Variants in KATNIP observed in about 807,000 individuals in gnomAD.
KATNIP encodes the protein katanin interacting protein.
In KATNIP, 126 loss-of-function variants were observed where a neutral mutation model predicts 174.0. The observed-to-expected ratio is 0.72, with a 90% CI of 0.63 to 0.84. The LOEUF (loss-of-function observed/expected upper bound fraction) is 0.84, where lower values mean the gene tolerates loss of function less well. KATNIP is among the 40% of genes least tolerant of loss of function. KATNIP has a pLI of 0.00. For synonymous variants in KATNIP, 810 were observed against 835.7 expected (o/e 0.97, Z 0.53); for missense variants, 1,958 against 2,109.7 (o/e 0.93, Z 1.41).
intron 12 of KATNIP, 37 bp from the exon 13 acceptor site, chr16:27,708,668 G>T: frequency 1.3e-6 from 2 of 1,556,028 alleles, no homozygotes; most frequent in South Asian, 2.3e-5. Context: ...AGCCTGTCAT[G>T]ACTTAATCCT....
chr16:27,720,967 G>A (rs539533222), intron 13 of KATNIP, among the ~76,000 whole-genome samples: 5 of 152,250 alleles, frequency 3.3e-5, no homozygotes, highest in East Asian at 1.9e-4. Context: ...ACAGCAAGGC[G>A]TCTCTGTTCA....
intron 2 of KATNIP, among the ~76,000 whole-genome samples, chr16:27,590,824 A>T (rs1307967833): frequency 1.3e-5 from 2 of 152,158 alleles, no homozygotes. Context: ...GTTTTTGTTC[A>T]TGAATTCAAT....
At chr16:27,636,029 T>C (rs1403496105) in intron 5 of KATNIP, among the ~76,000 whole-genome samples, 1 of 152,028 alleles carries the variant, frequency 6.6e-6, no homozygotes, top group Non-Finnish European at 1.5e-5. Flanking sequence ...AGCGCACACC[T>C]CTAGTCCCAG....
chr16:27,717,907 G>A (rs2080029832), intron 13 of KATNIP, among the ~76,000 whole-genome samples: 1 of 152,112 alleles, frequency 6.6e-6, no homozygotes, highest in Admixed American at 6.5e-5. Context: ...GTTCCACCCT[G>A]GCTCCCAGAT....
Position 27,740,320 on chromosome 16 carries a change from G to C in KATNIP, c.2023G>C (p.Gly675Arg). 1.2e-6 allele frequency: 2 copies of C among 1,614,250 alleles called. No individual in the cohort carries two copies. The highest frequency in any genetic ancestry group is 1.7e-6 in the Non-Finnish European group (2 of 1,180,052). ...AGCGGATGCAAAGCTTTCTTCACAA[G>C]GAAATGTGTCTGGCAAAAGAAAGAA... The part of the protein sequence containing the change: ...TLADAKLSSQ[G>R]NVSGKRKNST... The change falls in exon 15 of 28, where the codon GGA (glycine) becomes CGA (arginine). Residue 675 changes from glycine (G) to arginine (R), a missense_variant. Transcript: ENST00000261588.
At position 27,774,934 on chromosome 16, in the gene KATNIP, C is replaced by G. The variant is rs143887648; in HGVS notation, c.4310-11C>G. Reference sequence around the variant, plus strand: ...CAGATTTGGGTTATGGCAACTTAGACGTCTCCTCAGATATTGCGGCCTTCC... The same window carrying G: ...CAGATTTGGGTTATGGCAACTTAGAGGTCTCCTCAGATATTGCGGCCTTCC... On this transcript the variant is annotated splice_polypyrimidine_tract_variant and intron_variant, in intron 23 of 27. Coordinates refer to ENST00000261588, the MANE Select transcript of KATNIP (RefSeq NM_015202.5). The G allele has an allele frequency of 3.7e-6, 6 of 1,613,780 alleles. No homozygotes were observed. The African/African-American group carries it at 8.0e-5, about 22-fold the overall frequency.
At chr16:27,705,995 G>A (rs1321636117) in intron 12 of KATNIP, among the ~76,000 whole-genome samples, 3 of 152,104 alleles carry the variant, frequency 2.0e-5, no homozygotes, top group Non-Finnish European at 4.4e-5. Context: ...CTTATATTAC[G>A]GGAGACAGAA....
chr16:27,776,258 C>T lies in KATNIP; in HGVS notation c.4450-670C>T, dbSNP rs577631381. Among the ~76,000 whole-genome samples the T allele has an allele frequency of 1.8e-3, 271 of 152,254 alleles. 1 individual carries two copies. Among genetic ancestry groups the T allele is most frequent in the African/African-American group, 6.3e-3 (260 of 41,550 alleles). ...ACCAGGGCCTGGGGCAGGACTGAGC[C>T]TGCAGTCTGTGGCCAGTGTGGAATG... On this transcript the variant is annotated intron_variant, in intron 24 of 27. Coordinates refer to ENST00000261588, the MANE Select transcript of KATNIP (RefSeq NM_015202.5). The surrounding 1 kb of genome is among the most constrained non-coding windows in gnomAD (Gnocchi z 4.7).
intron 1 of KATNIP, among the ~76,000 whole-genome samples, chr16:27,564,939 AT>A (rs1466076259): frequency 2.0e-5 from 3 of 151,538 alleles, no homozygotes; most frequent in Non-Finnish European, 4.4e-5. Context: ...AATTTTTTGT[AT>A]TTTTGGTAGA....
At chr16:27,723,818 C>T (rs1050048717) in intron 14 of KATNIP, among the ~76,000 whole-genome samples, 13 of 151,988 alleles carry the variant, frequency 8.6e-5, no homozygotes, top group Non-Finnish European at 1.5e-4. Flanking sequence ...TCCCTCCCTC[C>T]CTCCTTCCCA....
chr16:27,730,806 C>G (rs1463708734), intron 14 of KATNIP, among the ~76,000 whole-genome samples: 1 of 152,208 alleles, frequency 6.6e-6, no homozygotes. Context: ...AACAGGCACC[C>G]CCGGCCAAGT....
chr16:27,658,135 CAGAGGA>C (rs1878694961), intron 6 of KATNIP, among the ~76,000 whole-genome samples: 1 of 152,188 alleles, frequency 6.6e-6, no homozygotes, highest in South Asian at 2.1e-4. Context: ...TCTTACCACT[CAGAGGA>C]TCTGATTCTG....
chr16:27,671,914 G>T, intron 6 of KATNIP, among the ~76,000 whole-genome samples: 1 of 152,052 alleles, frequency 6.6e-6, no homozygotes, highest in Non-Finnish European at 1.5e-5. Flanking sequence ...AAATCAGCCG[G>T]GTGTGGTGGC....
rs757815906 is a variant in KATNIP at position 27,751,761 on chromosome 16, A to G, written c.3389A>G (p.Asp1130Gly). 1.6e-5 allele frequency: 26 copies of G among 1,614,132 alleles called. No individual in the cohort carries two copies. Among genetic ancestry groups the G allele is most frequent in the Non-Finnish European group, 2.1e-5 (25 of 1,180,048 alleles). ...FGDTILFTTD[D>G]DILEAIFYSD... ...GACACGATCTTATTCACAACCGATG[A>G]TGACATTCTCGAGGCCATATTCTAT... The change falls in exon 17 of 28, where the codon GAT becomes GGT. Residue 1130 changes from aspartate (D) to glycine (G), a missense_variant. Transcript: ENST00000261588.
At position 27,739,517 on chromosome 16, in the gene KATNIP, T is replaced by C. The variant is rs867352833; in HGVS notation, c.1744-524T>C. ...CCCGAGTCCTTGTCTCAGCCTCTGC[T>C]TTTACGGTCTCCCAATTATGATGCC... On this transcript the variant is annotated intron_variant, in intron 14 of 27. Transcript: ENST00000261588. Among the ~76,000 whole-genome samples the C allele has an allele frequency of 5.3e-5, 8 of 152,334 alleles. No individual in the cohort carries two copies. The South Asian group carries it at 1.2e-3, about 24-fold the overall frequency.
chr16:27,693,915 A>G (rs1199403356), intron 8 of KATNIP, among the ~76,000 whole-genome samples: 3 of 151,884 alleles, frequency 2.0e-5, no homozygotes, highest in Non-Finnish European at 4.4e-5. Flanking sequence ...TTCTTGGGGG[A>G]AAAAAAAGCA....
At chr16:27,722,706 T>C (rs573842150) in intron 14 of KATNIP, among the ~76,000 whole-genome samples, 17 of 152,186 alleles carry the variant, frequency 1.1e-4, no homozygotes, top group Non-Finnish European at 2.4e-4. Context: ...GTGGGGACTA[T>C]GGCAGACTGG....
intron 2 of KATNIP, among the ~76,000 whole-genome samples, chr16:27,576,481 T>A (rs886071740): frequency 9.9e-5 from 15 of 151,940 alleles, no homozygotes; most frequent in East Asian, 1.9e-4. Flanking sequence ...AAATAAATAA[T>A]TAAATAAATA....
chr16:27,702,293 G>A (rs536144169), intron 11 of KATNIP, among the ~76,000 whole-genome samples: 8 of 152,186 alleles, frequency 5.3e-5, no homozygotes, highest in Non-Finnish European at 8.8e-5. Context: ...TCTAGGGGGC[G>A]AGGTTGGCCC....
Sources: allele counts gnomAD v4.1 joint callset (sites outside exome capture counted in the v4.1 genomes callset), GRCh38; gene constraint gnomAD v4.1.1; non-coding constraint Gnocchi (gnomAD v3.1); transcripts MANE v1.5; gene names NCBI Gene and HGNC (gene_info 2026-07-23, HGNC 2026-07-21).